The following RUFY2 variants were observed in gnomAD, a reference collection of about 807,000 sequenced individuals.
The protein encoded by RUFY2 is RUN and FYVE domain-containing protein 2.
RUFY2 carries 49 observed loss-of-function variants against 94.4 expected under a neutral mutation model. The observed-to-expected ratio is 0.52, with a 90% CI of 0.41 to 0.66. The LOEUF (loss-of-function observed/expected upper bound fraction) is 0.66. Among genes scored for constraint, RUFY2 ranks in the 30% least tolerant of loss-of-function variants. The probability of loss-of-function intolerance (pLI) is 0.00; values close to 1 mark genes in which losing one functional copy is unlikely to be tolerated. For synonymous variants in RUFY2, 255 were observed against 235.7 expected (o/e 1.08, Z -0.75); for missense variants, 541 against 692.8 (o/e 0.78, Z 2.46).
At chr10:68,368,793 T>G (rs555351818) in intron 13 of RUFY2, among the ~76,000 whole-genome samples, 96 of 152,200 alleles carry the variant, frequency 6.3e-4, no homozygotes, top group Non-Finnish European at 1.3e-3. Context: ...TAGCTCATAT[T>G]GGGTGTTGAT....
At chr10:68,393,596 G>A (rs1292220078) in intron 6 of RUFY2, among the ~76,000 whole-genome samples, 1 of 151,994 alleles carries the variant, frequency 6.6e-6, no homozygotes, top group Non-Finnish European at 1.5e-5. Context: ...AGGCATGGTG[G>A]CGGGTGCCTG....
At chr10:68,342,205 G>A, downstream of RUFY2, 1 of 556,242 alleles carries the variant, frequency 1.8e-6, no homozygotes, top group East Asian at 3.2e-5. Context: ...AGATTGTGAT[G>A]GGAAAATGTT....
At chr10:68,366,485 G>A (rs938903296) in intron 13 of RUFY2, among the ~76,000 whole-genome samples, 1 of 151,472 alleles carries the variant, frequency 6.6e-6, no homozygotes, top group Non-Finnish European at 1.5e-5. Flanking sequence ...GCTTATGCCT[G>A]TAACTCCAGC....
At chr10:68,385,290 A>T (rs961357846) in intron 8 of RUFY2, among the ~76,000 whole-genome samples, 5 of 151,180 alleles carry the variant, frequency 3.3e-5, no homozygotes, top group Non-Finnish European at 5.9e-5. Context: ...TAGGCTAATG[A>T]GAATGTTAAT....
chr10:68,379,128 T>C (rs2048856492), intron 12 of RUFY2: 2 of 285,954 alleles, frequency 7.0e-6, no homozygotes, highest in Non-Finnish European at 1.3e-5. Context: ...TCATTTTTAA[T>C]TTTTTTGACA....
intron 4 of RUFY2, among the ~76,000 whole-genome samples, chr10:68,395,958 C>T (rs1162327743): frequency 6.6e-6 from 1 of 152,112 alleles, no homozygotes; most frequent in African/African-American, 2.4e-5. Flanking sequence ...AACTGATTGC[C>T]TTGCTTTGAA....
At chr10:68,370,437 ATTTCTTT>A (rs915546279) in intron 13 of RUFY2, among the ~76,000 whole-genome samples, 2 of 146,968 alleles carry the variant, frequency 1.4e-5, no homozygotes, top group African/African-American at 5.0e-5. Context: ...GTAACAAGGC[ATTTCTTT>A]TTTCTTTTTT....
rs549436179 is a variant in RUFY2 at position 68,356,231 on chromosome 10, C to T, written c.1551-830G>A. Among the ~76,000 whole-genome samples, 13 of 152,070 alleles carry T rather than the reference C, an allele frequency of 8.5e-5. No homozygotes were observed. In the South Asian group the frequency reaches 1.9e-3, roughly 22 times the overall value. The stretch of plus-strand genomic sequence containing the variant: ...GGAAGAAAATACTGTGAGCCAGGCG[C>T]GGTGGCTCACACCTGTAATCCCAGC... On this transcript the variant is annotated intron_variant, in intron 15 of 17. Transcript: ENST00000602465.
In RUFY2 at chr10:68,345,707, T is replaced by A; in HGVS notation, c.*61A>T. 6.7e-7 allele frequency: 1 copy of A among 1,502,442 alleles called. No individual in the cohort carries two copies. Among genetic ancestry groups the A allele is most frequent in the African/African-American group, 1.4e-5 (1 of 72,342 alleles). 93.1% of individuals were successfully genotyped at this position (1,502,442 alleles called of 1,614,324 possible). A position where few individuals can be genotyped will look rare whatever the true frequency, so the allele number is the denominator to read the frequency against. Reference sequence around the variant, plus strand: ...AAGGAGAGCTGTCTGGTTACCTTTGTATACAACATCATAACATTCATTGTA... The same window carrying A: ...AAGGAGAGCTGTCTGGTTACCTTTGAATACAACATCATAACATTCATTGTA... On this transcript the variant is annotated 3_prime_UTR_variant, in exon 18 of 18. Coordinates refer to ENST00000602465, the MANE Select transcript of RUFY2 (RefSeq NM_001330103.2).
chr10:68,346,148 T>C (rs2046256774), intron 16 of RUFY2, 64 bp from the exon 17 acceptor site: 3 of 1,246,814 alleles, frequency 2.4e-6, no homozygotes, highest in Non-Finnish European at 3.4e-6. Context: ...GAAAACTTTT[T>C]CCCCCAAGAA....
At chr10:68,376,670 G>A (rs905697443) in intron 13 of RUFY2, among the ~76,000 whole-genome samples, 183 bp downstream of exon 13, 2 of 150,618 alleles carry the variant, frequency 1.3e-5, no homozygotes, top group Non-Finnish European at 3.0e-5. Context: ...AAATCATAAA[G>A]GGAGTAAAAA....
intron 8 of RUFY2, 89 bp downstream of exon 8, chr10:68,385,970 G>T: frequency 1.4e-6 from 1 of 734,780 alleles, no homozygotes. Context: ...GTGTTCGTGT[G>T]TGTGTGTATG....
At chr10:68,369,943 CTTTTTA>C (rs1012377008) in intron 13 of RUFY2, among the ~76,000 whole-genome samples, 3 of 151,818 alleles carry the variant, frequency 2.0e-5, no homozygotes, top group African/African-American at 7.3e-5. Flanking sequence ...AACCTGTTTT[CTTTTTA>C]AATTACCCAG....
intron 13 of RUFY2, among the ~76,000 whole-genome samples, chr10:68,375,159 G>C (rs1465524106): frequency 6.6e-6 from 1 of 151,930 alleles, no homozygotes; most frequent in African/African-American, 2.4e-5. Context: ...TTTGAGAGTT[G>C]AGACGGGAGA....
chr10:68,394,646 T>G (rs1050037688), intron 4 of RUFY2, among the ~76,000 whole-genome samples, 195 bp from the exon 5 acceptor site: 2 of 151,992 alleles, frequency 1.3e-5, no homozygotes, highest in African/African-American at 4.8e-5. Flanking sequence ...TTTTTTTTTT[T>G]TGAGACGAAG....
chr10:68,376,870 G>C lies in RUFY2; in HGVS notation c.1308C>G (p.Ser436=), dbSNP rs1255861347. The change falls in exon 13 of 18, where the codon TCC becomes TCG. Residue 436 remains serine, a synonymous_variant. Coordinates refer to ENST00000602465, the MANE Select transcript of RUFY2 (RefSeq NM_001330103.2). ...ATACTCACAGCTGTTTCTCCTTTTG[G>C]GAGATTTGTTTCTGCAGACTATCAG... ...SKSDSLQKQI[S]QKEKQLVQLE... is the part of the protein sequence containing the mutation. The C allele has an allele frequency of 5.6e-6, 9 of 1,613,560 alleles. No individual in the cohort carries two copies. The highest frequency in any genetic ancestry group is 6.8e-6 in the Non-Finnish European group (8 of 1,179,802).
rs375458835 is a variant in RUFY2 at position 68,401,785 on chromosome 10, T to C, written c.179-48A>G. 125 of 1,046,428 alleles carry C rather than the reference T, an allele frequency of 1.2e-4. No individual in the cohort carries two copies. In the African/African-American group the frequency reaches 1.8e-3, roughly 15 times the overall value. 64.8% of individuals were successfully genotyped at this position (1,046,428 alleles called of 1,614,324 possible). A position where few individuals can be genotyped will look rare whatever the true frequency, so the allele number is the denominator to read the frequency against. On this transcript the variant is annotated intron_variant, in intron 2 of 17. Coordinates refer to ENST00000602465, the MANE Select transcript of RUFY2 (RefSeq NM_001330103.2). ...CACACAATGTCAACATAAAAAACTG[T>C]AGTAACTTATTTTTAAATATTTAGT...
chr10:68,401,283 C>T (rs530281051), intron 3 of RUFY2, among the ~76,000 whole-genome samples: 1 of 152,238 alleles, frequency 6.6e-6, no homozygotes, highest in African/African-American at 2.4e-5. Context: ...AGTCTTTCCT[C>T]AATACTTACT....
chr10:68,346,143 CT>C (rs35926771), intron 16 of RUFY2, 59 bp from the exon 17 acceptor site: 5 of 1,300,544 alleles, frequency 3.8e-6, no homozygotes, highest in Middle Eastern at 2.0e-4. Flanking sequence ...AATGTGAAAA[CT>C]TTTTCCCCCA....
Sources: allele counts gnomAD v4.1 joint callset (sites outside exome capture counted in the v4.1 genomes callset), GRCh38; gene constraint gnomAD v4.1.1; transcripts MANE v1.5; gene names NCBI Gene and HGNC (gene_info 2026-07-23, HGNC 2026-07-21).